Variants in KAZN observed in about 807,000 individuals in gnomAD.
KAZN encodes the protein kazrin.
A neutral mutation model predicts 87.4 loss-of-function variants in KAZN; 40 were observed. The ratio of observed to expected loss-of-function variants is 0.46; its 90% CI spans 0.36 to 0.60. The LOEUF is 0.60. Ranked by LOEUF, KAZN falls within the 20% of genes least tolerant of loss-of-function variation. The pLI, the probability that KAZN is intolerant of heterozygous loss-of-function variation, is 0.00. For missense variants in KAZN, 898 were observed against 1,073.9 expected (o/e 0.84, Z 2.29); for synonymous variants, 466 against 458.3 (o/e 1.02, Z -0.22).
chr1:14,277,638 G>C (rs1018990612), intron 2 of KAZN, among the ~76,000 whole-genome samples: 3 of 150,604 alleles, frequency 2.0e-5, no homozygotes, highest in Non-Finnish European at 2.9e-5. Flanking sequence ...ACTCCAGCCT[G>C]GTGACAGAGC....
chr1:14,457,581 T>A (rs1459370210), intron 2 of KAZN, among the ~76,000 whole-genome samples: 4 of 152,138 alleles, frequency 2.6e-5, no homozygotes, highest in Non-Finnish European at 5.9e-5. Context: ...ACAGCTTTTA[T>A]TATTTATTAT....
chr1:15,007,223 T>G (rs1669118233), intron 2 of KAZN, among the ~76,000 whole-genome samples: 1 of 151,844 alleles, frequency 6.6e-6, no homozygotes, highest in African/African-American at 2.4e-5. Context: ...ACTCTGAGAG[T>G]CAGCATGTTG....
chr1:14,580,627 G>A (rs899584854), intron 2 of KAZN, among the ~76,000 whole-genome samples: 1 of 152,162 alleles, frequency 6.6e-6, no homozygotes, highest in African/African-American at 2.4e-5. Flanking sequence ...CAAGTTGTGT[G>A]GTGGGTGAGG....
Position 14,471,185 on chromosome 1 carries a change from C to T in KAZN, c.250-127798C>T, listed in dbSNP as rs1029151242. On this transcript the variant is annotated intron_variant, in intron 2 of 16. Coordinates refer to the KAZN transcript ENST00000636203. Reference sequence around the variant, plus strand: ...GAGAAATCATAAATGTTATTGTTCTCAGCCACTATATTTTAGGGTAGTTTG... The same window carrying T: ...GAGAAATCATAAATGTTATTGTTCTTAGCCACTATATTTTAGGGTAGTTTG... Among the ~76,000 whole-genome samples the T allele has an allele frequency of 4.6e-5, 7 of 152,200 alleles. 2 individuals are homozygous for T. Among genetic ancestry groups the T allele is most frequent in the Admixed American group, 3.9e-4 (6 of 15,272 alleles).
intron 2 of KAZN, among the ~76,000 whole-genome samples, chr1:14,987,770 G>C (rs1218570393): frequency 9.9e-5 from 15 of 152,222 alleles, no homozygotes; most frequent in Non-Finnish European, 1.9e-4. Context: ...ATGCGGGGAA[G>C]CCACTTGATC....
chr1:13,953,797 A>G (rs1437620337), intron 1 of KAZN, among the ~76,000 whole-genome samples: 4 of 152,192 alleles, frequency 2.6e-5, no homozygotes, highest in Non-Finnish European at 5.9e-5. Context: ...GAGTTGCACC[A>G]TCCAATATGG....
At chr1:14,909,636 C>T (rs190704326) in intron 1 of KAZN, among the ~76,000 whole-genome samples, 7 of 152,300 alleles carry the variant, frequency 4.6e-5, no homozygotes, top group East Asian at 3.9e-4. Flanking sequence ...CCCAGAGTGC[C>T]CTGCTCTTCA....
intron 2 of KAZN, among the ~76,000 whole-genome samples, chr1:15,028,846 C>T (rs1035863324): frequency 1.3e-5 from 2 of 152,200 alleles, no homozygotes; most frequent in East Asian, 3.9e-4. Context: ...CAGCATGACT[C>T]ACAGCCTGCC....
chr1:14,071,665 G>A (rs1364056352), intron 1 of KAZN, among the ~76,000 whole-genome samples: 2 of 152,146 alleles, frequency 1.3e-5, no homozygotes, highest in East Asian at 1.9e-4. Context: ...CAGGTGTGTC[G>A]CTAGCGGGCA....
intron 2 of KAZN, among the ~76,000 whole-genome samples, chr1:14,527,104 G>A (rs562241980): frequency 6.6e-6 from 1 of 152,180 alleles, no homozygotes; most frequent in Admixed American, 6.5e-5. Flanking sequence ...TCTCATAGTT[G>A]GACTTGTTTA....
chr1:14,069,778 G>A (rs901504067), intron 1 of KAZN, among the ~76,000 whole-genome samples: 1 of 152,204 alleles, frequency 6.6e-6, no homozygotes, highest in Admixed American at 6.5e-5. Flanking sequence ...ATCACTGGAT[G>A]TTTATTCCTT....
intron 2 of KAZN, among the ~76,000 whole-genome samples, chr1:14,513,685 A>G (rs537181657): frequency 6.6e-6 from 1 of 152,348 alleles, no homozygotes; most frequent in South Asian, 2.1e-4. Context: ...AACATATCAT[A>G]GTAAGCATTT....
chr1:14,994,617 G>A (rs1478301912), intron 2 of KAZN, among the ~76,000 whole-genome samples: 1 of 152,162 alleles, frequency 6.6e-6, no homozygotes, highest in Non-Finnish European at 1.5e-5. Flanking sequence ...CCTTCCTCTT[G>A]GGCTGTGGAC....
chr1:14,357,681 CAT>C (rs1659153979), intron 2 of KAZN, among the ~76,000 whole-genome samples: 2 of 152,118 alleles, frequency 1.3e-5, no homozygotes, highest in Non-Finnish European at 2.9e-5. Context: ...TTGAGATAAT[CAT>C]GTGGTTTTTG....
intron 2 of KAZN, among the ~76,000 whole-genome samples, chr1:14,401,149 G>C (rs1196380012): frequency 6.6e-6 from 1 of 152,182 alleles, no homozygotes; most frequent in Non-Finnish European, 1.5e-5. Flanking sequence ...TCAAGGAAGT[G>C]ATGACACTTG....
chr1:14,940,846 C>A (rs1660977107), intron 1 of KAZN, among the ~76,000 whole-genome samples: 1 of 147,662 alleles, frequency 6.8e-6, no homozygotes, highest in Non-Finnish European at 1.5e-5. Flanking sequence ...GCCCAGTAGC[C>A]TGGGCCTGGC....
At chr1:14,385,276 T>C (rs909412267) in intron 2 of KAZN, among the ~76,000 whole-genome samples, 1 of 152,244 alleles carries the variant, frequency 6.6e-6, no homozygotes, top group Non-Finnish European at 1.5e-5. Flanking sequence ...CCTGGATTCA[T>C]TAATTTTTTG....
intron 1 of KAZN, among the ~76,000 whole-genome samples, chr1:13,898,598 G>T (rs1287559760): frequency 6.6e-6 from 1 of 152,200 alleles, no homozygotes; most frequent in East Asian, 1.9e-4. Context: ...AGGACAGGAA[G>T]GTGACAGGAC....
At chr1:14,927,946 C>T (rs184350164) in intron 1 of KAZN, among the ~76,000 whole-genome samples, 1 of 151,594 alleles carries the variant, frequency 6.6e-6, no homozygotes, top group Non-Finnish European at 1.5e-5. Context: ...GTGTCGTGAA[C>T]GAAACAGGAT....
Sources: gnomAD v4.1 joint callset for allele counts (sites outside exome capture counted in the v4.1 genomes callset) on GRCh38, gnomAD v4.1.1 for gene constraint, MANE v1.5 for transcripts, NCBI Gene and HGNC (gene_info 2026-07-23, HGNC 2026-07-21) for gene names.